The following UBE2E2 variants were observed in gnomAD, a reference collection of about 807,000 sequenced individuals.
UBE2E2 encodes the protein ubiquitin-conjugating enzyme E2 E2.
UBE2E2 carries 6 observed loss-of-function variants against 24.7 expected under a neutral mutation model. The ratio of observed to expected loss-of-function variants is 0.24; its 90% CI spans 0.13 to 0.48. The LOEUF is 0.48. Among genes scored for constraint, UBE2E2 ranks in the 20% least tolerant of loss-of-function variants. The pLI is 0.99. For missense variants in UBE2E2, 169 were observed against 245.0 expected, an observed-to-expected ratio of 0.69 and a Z score of 2.07; for synonymous variants, 104 against 83.6, an observed-to-expected ratio of 1.24 and a Z score of -1.33.
intron 3 of UBE2E2, among the ~76,000 whole-genome samples, chr3:23,473,294 T>A (rs2125435838): frequency 6.6e-6 from 1 of 152,242 alleles, no homozygotes; most frequent in African/African-American, 2.4e-5. Context: ...ACATTAATAT[T>A]TTCTTAATGT....
intron 3 of UBE2E2, among the ~76,000 whole-genome samples, chr3:23,410,581 T>C (rs1342138773): frequency 6.6e-6 from 1 of 152,216 alleles, no homozygotes; most frequent in East Asian, 1.9e-4. Context: ...TGTAGTACCT[T>C]CATCTTTTCT....
At chr3:23,283,301 T>G (rs1477071094) in intron 3 of UBE2E2, among the ~76,000 whole-genome samples, 1 of 152,112 alleles carries the variant, frequency 6.6e-6, no homozygotes, top group African/African-American at 2.4e-5. Flanking sequence ...CTCTCAAAAT[T>G]TATAATGAGC....
At chr3:23,526,235 T>C (rs928048623) in intron 4 of UBE2E2, among the ~76,000 whole-genome samples, 1 of 152,226 alleles carries the variant, frequency 6.6e-6, no homozygotes, top group African/African-American at 2.4e-5. Flanking sequence ...ATTTCTATTA[T>C]TAGTTTAGCC....
At chr3:23,447,143 T>G (rs1254159623) in intron 3 of UBE2E2, among the ~76,000 whole-genome samples, 1 of 152,178 alleles carries the variant, frequency 6.6e-6, no homozygotes, top group Non-Finnish European at 1.5e-5. Flanking sequence ...TAGTTTTATA[T>G]TAATTTTCTG....
intron 5 of UBE2E2, among the ~76,000 whole-genome samples, chr3:23,565,389 C>T (rs1164657917): frequency 7.0e-6 from 1 of 143,750 alleles, no homozygotes; most frequent in Non-Finnish European, 1.5e-5. Context: ...CTCTCATGAA[C>T]AGTGAGAAAC....
At chr3:23,286,020 T>C (rs572376740) in intron 3 of UBE2E2, among the ~76,000 whole-genome samples, 2 of 152,304 alleles carry the variant, frequency 1.3e-5, no homozygotes, top group East Asian at 3.9e-4. Context: ...TAAAATTAGA[T>C]GATTAAGCTT....
chr3:23,566,524 C>G (rs932638834), intron 5 of UBE2E2, among the ~76,000 whole-genome samples: 1 of 152,130 alleles, frequency 6.6e-6, no homozygotes, highest in African/African-American at 2.4e-5. Flanking sequence ...TTTTATTTGG[C>G]TCACAGTTCT....
chr3:23,506,725 C>T (rs1694466999), intron 4 of UBE2E2, among the ~76,000 whole-genome samples: 1 of 152,058 alleles, frequency 6.6e-6, no homozygotes, highest in Non-Finnish European at 1.5e-5. Flanking sequence ...CCTCAGCCTC[C>T]CGGGCTCAAG....
intron 3 of UBE2E2, among the ~76,000 whole-genome samples, chr3:23,272,047 C>T (rs1698257881): frequency 6.6e-6 from 1 of 152,228 alleles, no homozygotes; most frequent in South Asian, 2.1e-4. Flanking sequence ...AGCCCTTGGG[C>T]AGTCAATGGG....
At chr3:23,494,207 A>T (rs974009944) in intron 3 of UBE2E2, among the ~76,000 whole-genome samples, 1 of 152,138 alleles carries the variant, frequency 6.6e-6, no homozygotes. Context: ...TTTCTTTCTC[A>T]CTTCTTGATT....
At chr3:23,341,663 A>G (rs949223657) in intron 3 of UBE2E2, among the ~76,000 whole-genome samples, 4 of 152,192 alleles carry the variant, frequency 2.6e-5, no homozygotes, top group Admixed American at 6.5e-5. Context: ...ACTGTATTCT[A>G]AAGCATAATC....
intron 3 of UBE2E2, among the ~76,000 whole-genome samples, chr3:23,324,832 A>G (rs983300163): frequency 1.3e-5 from 2 of 151,672 alleles, no homozygotes; most frequent in Non-Finnish European, 2.9e-5. Context: ...TATTTTCTTT[A>G]TCTGTGGTAT....
At chr3:23,528,670 T>C (rs1170698893) in intron 4 of UBE2E2, among the ~76,000 whole-genome samples, 1 of 152,212 alleles carries the variant, frequency 6.6e-6, no homozygotes, top group African/African-American at 2.4e-5. Context: ...TGGACACAAA[T>C]TGCTTCTGCG....
intron 3 of UBE2E2, among the ~76,000 whole-genome samples, chr3:23,371,763 G>A (rs1343381029): frequency 6.6e-6 from 1 of 152,138 alleles, no homozygotes; most frequent in African/African-American, 2.4e-5. Context: ...GAATGTCTTT[G>A]GTTGCGATAA....
At chr3:23,556,115 G>A (rs891866644) in intron 5 of UBE2E2, among the ~76,000 whole-genome samples, 4 of 146,284 alleles carry the variant, frequency 2.7e-5, no homozygotes, top group African/African-American at 7.6e-5. Flanking sequence ...TTTTAACAAC[G>A]TGTTGTATAC....
At chr3:23,204,686 G>T (rs1027163881) in intron 1 of UBE2E2, 1 of 985,200 alleles carries the variant, frequency 1.0e-6, no homozygotes, top group Non-Finnish European at 1.2e-6. Context: ...TTCCCCTGCA[G>T]CACCTTTTAC....
intron 5 of UBE2E2, among the ~76,000 whole-genome samples, chr3:23,563,351 T>C (rs562880619): frequency 6.6e-6 from 1 of 152,298 alleles, no homozygotes; most frequent in African/African-American, 2.4e-5. Context: ...CAGGAGCGGG[T>C]TGTTCAGTTT....
At chr3:23,541,456 T>C (rs2125492408) in intron 5 of UBE2E2, among the ~76,000 whole-genome samples, 1 of 152,378 alleles carries the variant, frequency 6.6e-6, no homozygotes, top group Admixed American at 6.5e-5. Flanking sequence ...ATGTGTATTA[T>C]GGCTGTTGAA....
chr3:23,417,966 C>G (rs2125388018), intron 3 of UBE2E2, among the ~76,000 whole-genome samples: 1 of 152,306 alleles, frequency 6.6e-6, no homozygotes, highest in Non-Finnish European at 1.5e-5. Flanking sequence ...GTGAGAATTT[C>G]AAGCCAGTGG....
Sources: gnomAD v4.1 joint callset for allele counts (sites outside exome capture counted in the v4.1 genomes callset) on GRCh38, gnomAD v4.1.1 for gene constraint, MANE v1.5 for transcripts, NCBI Gene and HGNC (gene_info 2026-07-23, HGNC 2026-07-21) for gene names.